The following PCDHGB1 variants were observed in gnomAD, a reference collection of about 807,000 sequenced individuals.
PCDHGB1 encodes the protein protocadherin gamma-B1.
A neutral mutation model predicts 56.6 loss-of-function variants in PCDHGB1; 34 were observed. The ratio of observed to expected loss-of-function variants is 0.60; its 90% CI spans 0.46 to 0.80. The LOEUF is 0.80. Ranked by LOEUF, PCDHGB1 falls within the 30% of genes least tolerant of loss-of-function variation. PCDHGB1 has a pLI of 0.00. For missense variants in PCDHGB1, 1,278 were observed against 1,204.6 expected (o/e 1.06, Z -0.90); for synonymous variants, 561 against 505.9 (o/e 1.11, Z -1.46).
At chr5:141,400,065 A>G (rs1012484805) in intron 1 of PCDHGB1, 3 of 1,613,758 alleles carry the variant, frequency 1.9e-6, no homozygotes, top group African/African-American at 1.3e-5. Flanking sequence ...GTGATGGTGG[A>G]CAGCCGCCAC....
intron 1 of PCDHGB1, among the ~76,000 whole-genome samples, chr5:141,381,491 A>G (rs773337977): frequency 1.7e-4 from 26 of 152,224 alleles, no homozygotes; most frequent in Non-Finnish European, 7.3e-5. Flanking sequence ...TGTTTTCTCA[A>G]TTACACTAGA....
chr5:141,364,438 G>A, intron 1 of PCDHGB1: 1 of 1,613,820 alleles, frequency 6.2e-7, no homozygotes, highest in Non-Finnish European at 8.5e-7. Context: ...ACTCGATGCC[G>A]GAGGAGCTGG....
intron 2 of PCDHGB1, among the ~76,000 whole-genome samples, chr5:141,496,207 T>C (rs973745475): frequency 6.6e-6 from 1 of 152,134 alleles, no homozygotes; most frequent in Non-Finnish European, 1.5e-5. Flanking sequence ...CAATCTGGTA[T>C]GAATTCCTGC....
chr5:141,385,526 G>C (rs1265906180), intron 1 of PCDHGB1: 1 of 1,352,594 alleles, frequency 7.4e-7, no homozygotes, highest in East Asian at 2.7e-5. Context: ...CTATGGACAA[G>C]ATTATGAATA....
chr5:141,500,365 C>T (rs888624200), intron 2 of PCDHGB1, among the ~76,000 whole-genome samples: 5 of 151,956 alleles, frequency 3.3e-5, no homozygotes, highest in South Asian at 2.1e-4. Flanking sequence ...CCCACTACCA[C>T]GCCCGGCTAA....
chr5:141,466,822 G>A (rs1396286898), intron 1 of PCDHGB1, among the ~76,000 whole-genome samples: 4 of 152,046 alleles, frequency 2.6e-5, no homozygotes. Flanking sequence ...GGTATAACAA[G>A]TTAGTATGGG....
intron 1 of PCDHGB1, chr5:141,389,265 G>T: frequency 6.2e-7 from 1 of 1,614,004 alleles, no homozygotes; most frequent in Non-Finnish European, 8.5e-7. Context: ...CCACGTGGCC[G>T]AGAACAACCC....
chr5:141,427,703 C>A (rs529490424), intron 1 of PCDHGB1: 2 of 957,514 alleles, frequency 2.1e-6, no homozygotes, highest in African/African-American at 1.6e-5. Flanking sequence ...CACAAGTCAG[C>A]GCCTCTGACC....
intron 1 of PCDHGB1, among the ~76,000 whole-genome samples, chr5:141,459,249 A>G (rs901058693): frequency 6.6e-6 from 1 of 152,218 alleles, no homozygotes; most frequent in Non-Finnish European, 1.5e-5. Flanking sequence ...TCCTGTCACT[A>G]TAAATTAGTG....
intron 1 of PCDHGB1, among the ~76,000 whole-genome samples, chr5:141,448,106 A>G (rs1308837314): frequency 1.3e-5 from 2 of 151,996 alleles, no homozygotes. Context: ...AAATTAAAAG[A>G]AAAGAAAATT....
At chr5:141,395,620 CAAG>C (rs1298520628) in intron 1 of PCDHGB1, 1 of 189,326 alleles carries the variant, frequency 5.3e-6, no homozygotes, top group Non-Finnish European at 1.1e-5. Flanking sequence ...AGAAAATTAT[CAAG>C]AAGTCTAAAG....
rs917165100 is a variant in PCDHGB1, at chr5:141,442,878, C to T, written c.2410-51929C>T. Among the ~76,000 whole-genome samples, 6 of 152,178 alleles carry T rather than the reference C, an allele frequency of 3.9e-5. No homozygotes were observed. In the South Asian group the frequency reaches 8.3e-4, roughly 21 times the overall value. The stretch of plus-strand genomic sequence containing the variant: ...GTATGAGAGATGTAAATTTACAACT[C>T]AGAATCCCTGCTTATCACTTCTCCT... On this transcript the variant is annotated intron_variant, in intron 1 of 3. Coordinates refer to ENST00000523390, the MANE Select transcript of PCDHGB1 (RefSeq NM_018922.3).
intron 1 of PCDHGB1, chr5:141,419,158 C>G (rs757849297): frequency 6.2e-7 from 1 of 1,613,950 alleles, no homozygotes; most frequent in South Asian, 1.1e-5. Context: ...CTCCGTTATC[C>G]TCCAGCAAAA....
chr5:141,403,052 T>G (rs1336291522), intron 1 of PCDHGB1: 4 of 1,614,066 alleles, frequency 2.5e-6, no homozygotes, highest in Admixed American at 1.7e-5. Context: ...GATTCGCTAC[T>G]CAGTGCCTGA....
chr5:141,482,917 C>CA (rs761402624), intron 1 of PCDHGB1, among the ~76,000 whole-genome samples: 5 of 152,042 alleles, frequency 3.3e-5, no homozygotes, highest in Non-Finnish European at 7.4e-5. Context: ...ATTAAAAATA[C>CA]AAAAAATTAG....
chr5:141,366,744 G>T (rs754996318), intron 1 of PCDHGB1: 1 of 1,611,828 alleles, frequency 6.2e-7, no homozygotes, highest in South Asian at 1.1e-5. Context: ...GAAGAACGGC[G>T]AGTTCAGGTT....
At chr5:141,419,424 A>G (rs1197238939) in intron 1 of PCDHGB1, 1 of 1,613,230 alleles carries the variant, frequency 6.2e-7, no homozygotes, top group Admixed American at 1.7e-5. Flanking sequence ...GCCTTCGACC[A>G]CGAGCAGCTG....
chr5:141,429,861 A>C (rs1483953460), intron 1 of PCDHGB1, among the ~76,000 whole-genome samples: 1 of 152,226 alleles, frequency 6.6e-6, no homozygotes, highest in Non-Finnish European at 1.5e-5. Flanking sequence ...TCTTTGGACT[A>C]CCAATTTTCT....
chr5:141,417,678 A>G (rs1306009640), intron 1 of PCDHGB1: 4 of 997,368 alleles, frequency 4.0e-6, no homozygotes, highest in Non-Finnish European at 5.7e-6. Flanking sequence ...GCAGCCAACA[A>G]CAGAAAAGAA....
Sources: allele counts gnomAD v4.1 joint callset (sites outside exome capture counted in the v4.1 genomes callset), GRCh38; gene constraint gnomAD v4.1.1; transcripts MANE v1.5; gene names NCBI Gene and HGNC (gene_info 2026-07-23, HGNC 2026-07-21).